OPRM1: variants seen among roughly 807,000 people sequenced by gnomAD.
OPRM1 encodes the protein opioid receptor mu 1.
A neutral mutation model predicts 31.8 loss-of-function variants in OPRM1; 27 were observed. The ratio of observed to expected loss-of-function variants is 0.85; its 90% CI spans 0.63 to 1.17. The LOEUF (loss-of-function observed/expected upper bound fraction) is 1.17. Ranked by LOEUF, OPRM1 falls within the 50% of genes most tolerant of loss-of-function variation. The probability of loss-of-function intolerance (pLI) is 0.00; values close to 1 mark genes in which losing one functional copy is unlikely to be tolerated. For missense variants in OPRM1, 536 were observed against 511.1 expected (o/e 1.05, Z -0.47); for synonymous variants, 196 against 189.9 (o/e 1.03, Z -0.26).
chr6:154,222,328 C>T (rs754688126), intron 3 of OPRM1, among the ~76,000 whole-genome samples: 77 of 152,322 alleles, frequency 5.1e-4, no homozygotes, highest in Non-Finnish European at 8.7e-4. Flanking sequence ...TGCAACCACA[C>T]CACAGAGGCA....
At chr6:154,152,177 A>G (rs985099705) in intron 3 of OPRM1, among the ~76,000 whole-genome samples, 11 of 146,950 alleles carry the variant, frequency 7.5e-5, no homozygotes, top group African/African-American at 2.9e-4. Context: ...AAACAAAAAA[A>G]AAAAAGAAAG....
chr6:154,037,372 A>G (rs996469638), upstream of OPRM1, among the ~76,000 whole-genome samples: 276 of 151,266 alleles, frequency 1.8e-3, 1 homozygote, highest in Middle Eastern at 0.01. Flanking sequence ...AAAAAAAAAA[A>G]GGGACTTTCA....
intron 3 of OPRM1, chr6:154,092,082 A>T (rs899590758): frequency 4.0e-5 from 9 of 226,776 alleles, no homozygotes; most frequent in African/African-American, 2.1e-4. Context: ...ATATGTGAAT[A>T]TTAATCTAAT....
At chr6:154,084,951 CAT>C (rs60180951) in intron 1 of OPRM1, among the ~76,000 whole-genome samples, 1,809 of 148,244 alleles carry the variant, frequency 0.012, 28 homozygotes, top group African/African-American at 0.04. Flanking sequence ...CACACACACA[CAT>C]GCTGGATTCT....
At position 154,168,100 on chromosome 6, in the gene OPRM1, C is replaced by A; in HGVS notation, c.1164+76628C>A. The A allele has an allele frequency of 6.5e-7, 1 of 1,546,272 alleles. No homozygotes were observed. The highest frequency in any genetic ancestry group is 1.2e-5 in the South Asian group (1 of 80,664). ...GCTTCTCCATTTCATCATCTTCAGA[C>A]ACTTTTGTCTCTTCTATTTGAAAAA... On this transcript the variant is annotated intron_variant, in intron 3 of 3. Coordinates refer to the OPRM1 transcript ENST00000337049. The surrounding 1 kb of genome is among the most constrained non-coding windows in gnomAD (Gnocchi z 4.1).
intron 1 of OPRM1, among the ~76,000 whole-genome samples, chr6:154,022,320 C>T (rs987075532): frequency 6.6e-6 from 1 of 152,014 alleles, no homozygotes; most frequent in Admixed American, 6.5e-5. Context: ...GATGAATCTC[C>T]TGTGATGATT....
At chr6:154,050,473 G>A (rs17181066) in intron 1 of OPRM1, among the ~76,000 whole-genome samples, 3,562 of 152,224 alleles carry the variant, frequency 0.023, 143 homozygotes, top group African/African-American at 0.083. Context: ...TAGAGATTAT[G>A]CTGTTAAGTG....
chr6:154,069,565 G>GA (rs1395870492), intron 1 of OPRM1, among the ~76,000 whole-genome samples: 1 of 152,302 alleles, frequency 6.6e-6, no homozygotes, highest in South Asian at 2.1e-4. Context: ...GTGATAGCCA[G>GA]AAAATCATTG....
chr6:154,090,953 T>G lies in OPRM1; in HGVS notation c.645T>G (p.Gly215=). Residue 215 remains glycine, a splice_region_variant and synonymous_variant, in exon 3 of 4, where the codon GGT becomes GGG. Coordinates refer to ENST00000330432, the MANE Select transcript of OPRM1 (RefSeq NM_000914.5). ...MFMATTKYRQ[G]SIDCTLTFSH... Reference sequence around the variant, plus strand: ...TTCCTTTAAATTCCTTTCTTCTAGGTTCCATAGATTGTACACTAACATTCT... The same window carrying G: ...TTCCTTTAAATTCCTTTCTTCTAGGGTCCATAGATTGTACACTAACATTCT... The G allele has an allele frequency of 6.2e-7, 1 of 1,610,648 alleles. No homozygotes were observed. Among genetic ancestry groups the G allele is most frequent in the Non-Finnish European group, 8.5e-7 (1 of 1,178,276 alleles).
chr6:154,071,339 A>C (rs932412241), intron 1 of OPRM1, among the ~76,000 whole-genome samples: 3 of 152,220 alleles, frequency 2.0e-5, no homozygotes, highest in Non-Finnish European at 4.4e-5. Context: ...ATATATGCCA[A>C]GATTTCAGTG....
intron 1 of OPRM1, among the ~76,000 whole-genome samples, chr6:154,062,171 GA>G (rs1562414736): frequency 6.6e-6 from 1 of 151,914 alleles, no homozygotes; most frequent in Non-Finnish European, 1.5e-5. Context: ...ATAGCATAAG[GA>G]AAAATATAAT....
rs112387192 is a variant in OPRM1, at chr6:154,168,628, G to A, written c.1164+77156G>A. Among the ~76,000 whole-genome samples, 33 of 151,606 alleles carry A rather than the reference G, an allele frequency of 2.2e-4. No individual in the cohort carries two copies. The East Asian group carries it at 4.1e-3, about 19-fold the overall frequency. On this transcript the variant is annotated intron_variant, in intron 3 of 3. Coordinates refer to the OPRM1 transcript ENST00000337049. This position sits in a 1 kb window ranked among gnomAD's most constrained non-coding sequence, Gnocchi z 4.1. ...ATTTTATTATTATTTTTTTTGAGAC[G>A]GAGTTTTACTGCTGTTGCCCAGGCT...
intron 1 of OPRM1, among the ~76,000 whole-genome samples, chr6:154,014,824 G>A (rs1464080692): frequency 6.6e-6 from 1 of 152,066 alleles, no homozygotes; most frequent in Non-Finnish European, 1.5e-5. Flanking sequence ...AACAATAAGA[G>A]AATTGAATAA....
In OPRM1 at chr6:154,168,155, T is replaced by G. The variant is rs1799582638; in HGVS notation, c.1164+76683T>G. 1.4e-6 allele frequency: 2 copies of G among 1,451,306 alleles called. No individual in the cohort carries two copies. Among genetic ancestry groups the G allele is most frequent in the South Asian group, 2.8e-5 (2 of 70,212 alleles). The allele number at this position is 1,451,306 out of a possible 1,614,324, so 89.9% of individuals were successfully genotyped here. On this transcript the variant is annotated intron_variant, in intron 3 of 3. Transcript: ENST00000337049. The surrounding 1 kb of genome is among the most constrained non-coding windows in gnomAD (Gnocchi z 4.1). ...AAGAAAGCAGTAACAATAAACCCAG[T>G]GAAAAATCAAGGAGAGAACATTCAA...
rs1054826147 is a variant in OPRM1, at chr6:154,131,579, T to C, written c.*12858T>C. Among the ~76,000 whole-genome samples the C allele has an allele frequency of 6.6e-6, 1 of 152,234 alleles. No homozygotes were observed. Among genetic ancestry groups the C allele is most frequent in the African/African-American group, 2.4e-5 (1 of 41,460 alleles). On this transcript the variant is annotated 3_prime_UTR_variant, in exon 4 of 4. Transcript: ENST00000330432. ...TGTATGCCAGGGTGACATTTTAATT[T>C]ACAGTAGTCCAGACACCTAAACAGG...
chr6:154,127,504 A>G lies in OPRM1; in HGVS notation c.*8783A>G, dbSNP rs960166561. Reference sequence around the variant, plus strand: ...ACTTGTCCCTGAAATGTTTGTCATCACACAGATACACGCTCAGGATAAGAA... The same window carrying G: ...ACTTGTCCCTGAAATGTTTGTCATCGCACAGATACACGCTCAGGATAAGAA... On this transcript the variant is annotated 3_prime_UTR_variant, in exon 4 of 4. Transcript: ENST00000330432. Among the ~76,000 whole-genome samples the G allele has an allele frequency of 6.6e-6, 1 of 152,142 alleles. No homozygotes were observed. The highest frequency in any genetic ancestry group is 1.5e-5 in the Non-Finnish European group (1 of 68,034).
At chr6:154,063,171 C>G (rs1784724252) in intron 1 of OPRM1, among the ~76,000 whole-genome samples, 2 of 151,962 alleles carry the variant, frequency 1.3e-5, no homozygotes, top group Non-Finnish European at 2.9e-5. Flanking sequence ...TTGTCTTTGA[C>G]AATTGTTCTA....
rs371492304 is a variant in OPRM1 at position 154,207,823 on chromosome 6, G to A, written c.1165-38870G>A. ...AACATCAAAATATGAGGATTGTTGT[G>A]TTGAAATAATCTGCATAAGCTTCTA... On this transcript the variant is annotated intron_variant, in intron 3 of 3. Transcript: ENST00000337049. Among the ~76,000 whole-genome samples, 17 of 152,062 alleles carry A rather than the reference G, an allele frequency of 1.1e-4. 1 individual carries two copies. The East Asian group carries it at 3.3e-3, about 29-fold the overall frequency.
intron 3 of OPRM1, among the ~76,000 whole-genome samples, chr6:154,175,114 T>C (rs2128560531): frequency 6.6e-6 from 1 of 152,306 alleles, no homozygotes; most frequent in East Asian, 1.9e-4. Flanking sequence ...AAGATGTTCT[T>C]TGAAACCAAT....
Sources: gnomAD v4.1 joint callset for allele counts (sites outside exome capture counted in the v4.1 genomes callset) on GRCh38, gnomAD v4.1.1 for gene constraint, Gnocchi (gnomAD v3.1) non-coding constraint, MANE v1.5 for transcripts, NCBI Gene and HGNC (gene_info 2026-07-23, HGNC 2026-07-21) for gene names.